CDH12: variants seen among roughly 807,000 people sequenced by gnomAD.
CDH12 encodes cadherin-12.
Under a neutral mutation model 74.1 loss-of-function variants are expected in CDH12, and 41 were observed. The ratio of observed to expected loss-of-function variants is 0.55; its 90% confidence interval spans 0.43 to 0.72. The LOEUF (loss-of-function observed/expected upper bound fraction) is 0.72, where lower values mean the gene tolerates loss of function less well. CDH12 is among the 30% of genes least tolerant of loss of function. The probability of loss-of-function intolerance (pLI) is 0.00; values close to 1 mark genes in which losing one functional copy is unlikely to be tolerated. For missense variants in CDH12, 945 were observed against 977.2 expected (o/e 0.97, Z 0.44); for synonymous variants, 399 against 355.0 (o/e 1.12, Z -1.39).
chr5:22,253,201 GTAAT>G (rs1001377885), intron 3 of CDH12, among the ~76,000 whole-genome samples: 70 of 150,118 alleles, frequency 4.7e-4, no homozygotes, highest in African/African-American at 1.6e-3. Flanking sequence ...TATTTATAAA[GTAAT>G]TATGACATTT....
chr5:21,770,708 G>A (rs1193048399), intron 11 of CDH12, among the ~76,000 whole-genome samples: 2 of 151,822 alleles, frequency 1.3e-5, no homozygotes, highest in East Asian at 3.9e-4. Flanking sequence ...TCCCGTTATT[G>A]GGTGCATAGC....
intron 3 of CDH12, among the ~76,000 whole-genome samples, chr5:22,238,918 A>G (rs1004237781): frequency 3.3e-5 from 5 of 152,208 alleles, no homozygotes; most frequent in Admixed American, 1.3e-4. Flanking sequence ...TTCTGAATAC[A>G]TTTCTTCTCA....
intron 1 of CDH12, among the ~76,000 whole-genome samples, chr5:22,732,760 G>C (rs776161208): frequency 1.3e-5 from 2 of 151,770 alleles, no homozygotes; most frequent in Non-Finnish European, 2.9e-5. Context: ...TAGTAGAGAA[G>C]TATGGGGCAG....
At chr5:21,784,268 C>T (rs6864551) in intron 10 of CDH12, among the ~76,000 whole-genome samples, 12,802 of 152,078 alleles carry the variant, frequency 0.084, 887 homozygotes, top group African/African-American at 0.18. Context: ...TATGGATCGG[C>T]ATTATGTGAA....
chr5:21,921,698 T>G (rs1238866550), intron 6 of CDH12, among the ~76,000 whole-genome samples: 5 of 152,202 alleles, frequency 3.3e-5, no homozygotes, highest in African/African-American at 1.2e-4. Context: ...GGGAAGAATC[T>G]GACACTACAA....
intron 1 of CDH12, among the ~76,000 whole-genome samples, chr5:22,766,999 C>A (rs1390919403): frequency 7.2e-5 from 11 of 151,882 alleles, no homozygotes; most frequent in African/African-American, 2.2e-4. Context: ...ACACAGTAAT[C>A]AATTTTTTGT....
chr5:22,287,494 G>A (rs968356566), intron 3 of CDH12, among the ~76,000 whole-genome samples: 12 of 152,012 alleles, frequency 7.9e-5, no homozygotes, highest in Non-Finnish European at 1.5e-4. Context: ...GGAGGCCGAG[G>A]CGGGCGGATC....
At chr5:22,720,454 C>G (rs1743822082) in intron 1 of CDH12, among the ~76,000 whole-genome samples, 1 of 152,148 alleles carries the variant, frequency 6.6e-6, no homozygotes, top group African/African-American at 2.4e-5. Context: ...TCAGGCAGTT[C>G]TGTATAGCAG....
chr5:21,928,088 A>G (rs1035208932), intron 6 of CDH12, among the ~76,000 whole-genome samples: 1 of 152,112 alleles, frequency 6.6e-6, no homozygotes, highest in East Asian at 1.9e-4. Flanking sequence ...AAATAAAAGA[A>G]TGATGGTGAA....
chr5:22,768,741 C>T (rs1037545457), intron 1 of CDH12, among the ~76,000 whole-genome samples: 2 of 151,984 alleles, frequency 1.3e-5, no homozygotes, highest in Admixed American at 6.6e-5. Context: ...TCATCAAAAA[C>T]CACTTATATT....
In CDH12 at chr5:22,058,023, ATCT is replaced by A. The variant is rs1290658265; in HGVS notation, c.231+20420_231+20422del. Among the ~76,000 whole-genome samples the A allele has an allele frequency of 7.3e-5, 11 of 151,696 alleles. No homozygotes were observed. The East Asian group carries it at 2.1e-3, about 29-fold the overall frequency. ...ATTCTATCTATCTATCTATCTATCTATCTATCTATCTATCTATCTATCATCTAT... is the reference window on the plus strand; with the variant it reads ...ATTCTATCTATCTATCTATCTATCTAATCTATCTATCTATCTATCATCTAT... On this transcript the variant is annotated intron_variant, in intron 5 of 14. Transcript: ENST00000382254.
At chr5:21,867,246 T>G (rs982813648) in intron 6 of CDH12, among the ~76,000 whole-genome samples, 3 of 151,980 alleles carry the variant, frequency 2.0e-5, no homozygotes, top group Admixed American at 2.0e-4. Context: ...TCCCAGCTAC[T>G]CAGGAGTCTG....
At chr5:22,760,392 G>A (rs951583220) in intron 1 of CDH12, among the ~76,000 whole-genome samples, 166 of 152,178 alleles carry the variant, frequency 1.1e-3, no homozygotes, top group African/African-American at 3.8e-3. Context: ...TGAAAAAAGC[G>A]TAAATGGGCC....
Position 21,802,213 on chromosome 5 carries a change from C to T in CDH12, c.1210G>A (p.Gly404Ser). 2 of 1,613,880 alleles carry T rather than the reference C, an allele frequency of 1.2e-6. No individual in the cohort carries two copies. The part of the protein sequence containing the change: ...YEDTPVGTII[G>S]AVTAQDLDVG... The stretch of plus-strand genomic sequence containing the variant: ...TCCAGGTCTTGAGCAGTGACAGCGC[C>T]AATGATGGTCCCTACCGGAGTGTCT... Residue 404 changes from glycine to serine, a missense_variant, in exon 10 of 15, where the codon GGC (glycine) becomes AGC (serine). Around this residue, in one of 3 missense-constraint regions of CDH12, gnomAD observed 791 missense variants for 792.8 expected, o/e 1.00. Transcript: ENST00000382254.
intron 5 of CDH12, among the ~76,000 whole-genome samples, chr5:21,979,383 GGT>G (rs1757210238): frequency 6.6e-6 from 1 of 152,066 alleles, no homozygotes; most frequent in African/African-American, 2.4e-5. Context: ...GTTATTTTCT[GGT>G]GTTTTCCAAG....
At chr5:21,880,596 C>CCTTCTTTCT (rs1752235517) in intron 6 of CDH12, among the ~76,000 whole-genome samples, 8 of 51,404 alleles carry the variant, frequency 1.6e-4, no homozygotes, top group Admixed American at 5.5e-4. Context: ...TCCTTCCTTC[C>CCTTCTTTCT]TTCCTTCCTT....
At chr5:22,057,054 C>T (rs1387769201) in intron 5 of CDH12, among the ~76,000 whole-genome samples, 1 of 152,128 alleles carries the variant, frequency 6.6e-6, no homozygotes, top group Non-Finnish European at 1.5e-5. Context: ...TTGTAATTGT[C>T]TTAATAAGGC....
In CDH12 at chr5:22,190,358, GTCTATCTATCTATCTA is replaced by G. The variant is rs79679304; in HGVS notation, c.-187+22124_-187+22139del. Reference sequence around the variant, plus strand: ...AATTCATGCCTCCATCTGTCTGTCTGTCTATCTATCTATCTATCTATCTATCTATCTATCTATCTAT... The same window carrying G: ...AATTCATGCCTCCATCTGTCTGTCTGTCTATCTATCTATCTATCTATCTAT... On this transcript the variant is annotated intron_variant, in intron 4 of 14. Transcript: ENST00000382254. Among the ~76,000 whole-genome samples, 476 of 119,884 alleles carry G rather than the reference GTCTATCTATCTATCTA, an allele frequency of 4.0e-3. 1 individual carries two copies. The highest frequency in any genetic ancestry group is 8.7e-3 in the African/African-American group (294 of 33,938). 78.6% of individuals were successfully genotyped at this position (119,884 alleles called of 152,430 possible).
chr5:22,067,929 G>A (rs1736068969), intron 5 of CDH12, among the ~76,000 whole-genome samples: 2 of 152,022 alleles, frequency 1.3e-5, no homozygotes, highest in South Asian at 4.1e-4. Flanking sequence ...AGTGAGCAGA[G>A]ATCGCACCAC....
Sources: gnomAD v4.1 joint callset for allele counts (sites outside exome capture counted in the v4.1 genomes callset) on GRCh38, gnomAD v4.1.1 for gene constraint, gnomAD v4.1.1 regional missense constraint, MANE v1.5 for transcripts, NCBI Gene and HGNC (gene_info 2026-07-23, HGNC 2026-07-21) for gene names.